Variants in TRAM2 observed in about 807,000 individuals in gnomAD.
The protein encoded by TRAM2 is translocation associated membrane protein 2.
In TRAM2, 12 loss-of-function variants were observed where a neutral mutation model predicts 51.0. The ratio of observed to expected loss-of-function variants is 0.24; its 90% CI spans 0.15 to 0.38. The LOEUF is 0.38. Ranked by LOEUF, TRAM2 falls within the 10% of genes least tolerant of loss-of-function variation. The pLI is 1.00. For missense variants in TRAM2, 361 were observed against 462.0 expected, an observed-to-expected ratio of 0.78 and a Z score of 2.00; for synonymous variants, 175 against 179.4, an observed-to-expected ratio of 0.98 and a Z score of 0.20.
intron 5 of TRAM2, among the ~76,000 whole-genome samples, chr6:52,508,658 ACT>A (rs1766393577): frequency 6.6e-6 from 1 of 152,214 alleles, no homozygotes; most frequent in African/African-American, 2.4e-5. Flanking sequence ...CAACAGATAC[ACT>A]GAGACAACAA....
At chr6:52,554,524 A>C (rs1200079733) in intron 1 of TRAM2, among the ~76,000 whole-genome samples, 1 of 103,302 alleles carries the variant, frequency 9.7e-6, no homozygotes, top group East Asian at 3.9e-4. Context: ...CATCTCAAAA[A>C]AAAAAAAAAA....
chr6:52,512,942 C>A (rs369786503), intron 4 of TRAM2, among the ~76,000 whole-genome samples: 2 of 152,184 alleles, frequency 1.3e-5, no homozygotes, highest in East Asian at 3.9e-4. Flanking sequence ...CTAAAATCTA[C>A]GGTGGATTTT....
chr6:52,511,472 T>A (rs752971504), intron 4 of TRAM2, among the ~76,000 whole-genome samples: 5 of 152,208 alleles, frequency 3.3e-5, no homozygotes, highest in Non-Finnish European at 5.9e-5. Flanking sequence ...CAGGCTAGGT[T>A]GCTTCAGTAA....
At chr6:52,548,501 C>A (rs1260503369) in intron 1 of TRAM2, among the ~76,000 whole-genome samples, 2 of 152,244 alleles carry the variant, frequency 1.3e-5, no homozygotes, top group Non-Finnish European at 2.9e-5. Flanking sequence ...ATTCACTGAA[C>A]TTCTATCACC....
chr6:52,544,096 A>G (rs2179803), intron 1 of TRAM2, among the ~76,000 whole-genome samples: 135,253 of 152,244 alleles, frequency 0.89, 60,117 homozygotes, highest in East Asian at 0.96. Flanking sequence ...AAAATGAACC[A>G]TGAGTTCACA....
Position 52,576,988 on chromosome 6 carries a change from C to A in TRAM2, c.-73G>T. Reference sequence around the variant, plus strand: ...AACCGCAGCGCAAACTTCTCCAGCACCGGCCCGGTCCGCCCGCCGGCCCGC... The same window carrying A: ...AACCGCAGCGCAAACTTCTCCAGCAACGGCCCGGTCCGCCCGCCGGCCCGC... On this transcript the variant is annotated 5_prime_UTR_variant, in exon 1 of 11. Transcript: ENST00000182527. The A allele has an allele frequency of 7.4e-7, 1 of 1,345,356 alleles. No homozygotes were observed. 83.3% of individuals were successfully genotyped at this position (1,345,356 alleles called of 1,614,324 possible).
chr6:52,504,281 C>T (rs1766298171), intron 10 of TRAM2, among the ~76,000 whole-genome samples: 1 of 152,218 alleles, frequency 6.6e-6, no homozygotes, highest in African/African-American at 2.4e-5. Flanking sequence ...CAGCACTTGG[C>T]TGGGGTCCAG....
chr6:52,548,599 G>T (rs1767251538), intron 1 of TRAM2, among the ~76,000 whole-genome samples: 1 of 152,336 alleles, frequency 6.6e-6, no homozygotes, highest in African/African-American at 2.4e-5. Flanking sequence ...GGCCCAAAAA[G>T]CTTAAGCAAC....
rs73740390 is a variant in TRAM2 at position 52,500,538 on chromosome 6, T to G, written c.*2659A>C. The stretch of plus-strand genomic sequence containing the variant: ...TCAGGGTTTTTTTTTGTTTTTTTTT[T>G]TTTTTTTACATAAAATAAACCCTTA... On this transcript the variant is annotated 3_prime_UTR_variant, in exon 11 of 11. Transcript: ENST00000182527. The G allele has an allele frequency of 0.2, 29,742 of 150,560 alleles. 3,451 individuals carry two copies. The highest frequency in any genetic ancestry group is 0.34 in the Admixed American group (5,192 of 15,154). The allele number at this position is 150,560 out of a possible 1,614,324, so 9.3% of individuals were successfully genotyped here.
chr6:52,522,453 C>A (rs890463428), intron 2 of TRAM2, among the ~76,000 whole-genome samples: 1 of 152,272 alleles, frequency 6.6e-6, no homozygotes, highest in African/African-American at 2.4e-5. Flanking sequence ...TTTAAAAACA[C>A]TGCATGGGCC....
At chr6:52,563,900 C>A (rs1342533031) in intron 1 of TRAM2, among the ~76,000 whole-genome samples, 16 of 142,890 alleles carry the variant, frequency 1.1e-4, no homozygotes, top group East Asian at 4.0e-4. Flanking sequence ...GTACCTATTC[C>A]AAAAAAAAAA....
At chr6:52,503,322 C>T (rs1766275567) in intron 10 of TRAM2, 52 bp from the exon 11 acceptor site, 1 of 1,548,102 alleles carries the variant, frequency 6.5e-7, no homozygotes, top group South Asian at 1.1e-5. Flanking sequence ...GGAGCTAAGG[C>T]AGAAGAGGGG....
chr6:52,565,887 C>T (rs1767582856), intron 1 of TRAM2, among the ~76,000 whole-genome samples: 1 of 152,194 alleles, frequency 6.6e-6, no homozygotes, highest in Non-Finnish European at 1.5e-5. Flanking sequence ...AAAGGAAGTT[C>T]CCACCCTCTG....
At chr6:52,563,332 A>G (rs116598030) in intron 1 of TRAM2, among the ~76,000 whole-genome samples, 3,355 of 152,290 alleles carry the variant, frequency 0.022, 109 homozygotes, top group African/African-American at 0.074. Flanking sequence ...AAACAGACAG[A>G]TAGACAGACA....
At chr6:52,569,400 A>G (rs926448244) in intron 1 of TRAM2, among the ~76,000 whole-genome samples, 1 of 151,776 alleles carries the variant, frequency 6.6e-6, no homozygotes, top group Non-Finnish European at 1.5e-5. Context: ...AAAAAAAAAA[A>G]AAAAAAAGAA....
At chr6:52,536,375 G>C (rs2114086920) in intron 1 of TRAM2, among the ~76,000 whole-genome samples, 1 of 152,344 alleles carries the variant, frequency 6.6e-6, no homozygotes, top group East Asian at 1.9e-4. Flanking sequence ...CATGGGGCCA[G>C]AAGTAACATC....
Position 52,568,106 on chromosome 6 carries a change from G to A in TRAM2, c.120+8690C>T, listed in dbSNP as rs1767618607. Reference sequence around the variant, plus strand: ...CCAGAGAGGTGAAGGGCCTTGCATGGGCCACAAGGCTATTTAATGGAAGAA... The same window carrying A: ...CCAGAGAGGTGAAGGGCCTTGCATGAGCCACAAGGCTATTTAATGGAAGAA... On this transcript the variant is annotated intron_variant, in intron 1 of 10. Transcript: ENST00000182527. 2.0e-5 allele frequency among the ~76,000 whole-genome samples: 3 copies of A among 152,270 alleles called. No individual in the cohort carries two copies. In the South Asian group the frequency reaches 6.2e-4, roughly 32 times the overall value.
chr6:52,572,770 A>G (rs919364171), intron 1 of TRAM2, among the ~76,000 whole-genome samples: 6 of 152,324 alleles, frequency 3.9e-5, no homozygotes, highest in African/African-American at 1.4e-4. Flanking sequence ...GATATGAACC[A>G]GTGCCATGGA....
rs972970084 is a variant in TRAM2, at chr6:52,499,783, C to T, written c.*3414G>A. On this transcript the variant is annotated 3_prime_UTR_variant, in exon 11 of 11. Coordinates refer to ENST00000182527, the MANE Select transcript of TRAM2 (RefSeq NM_012288.4). Reference sequence around the variant, plus strand: ...AATGTTGGGAAGTTATGCCTTGGGACATGAACAGACAAGTTTCTCAGCAAC... The same window carrying T: ...AATGTTGGGAAGTTATGCCTTGGGATATGAACAGACAAGTTTCTCAGCAAC... The T allele has an allele frequency of 6.6e-5, 10 of 152,212 alleles. No homozygotes were observed. Among genetic ancestry groups the T allele is most frequent in the African/African-American group, 1.7e-4 (7 of 41,422 alleles). 9.4% of individuals were successfully genotyped at this position (152,212 alleles called of 1,614,324 possible).
Sources: allele counts gnomAD v4.1 joint callset (sites outside exome capture counted in the v4.1 genomes callset), GRCh38; gene constraint gnomAD v4.1.1; transcripts MANE v1.5; gene names NCBI Gene and HGNC (gene_info 2026-07-23, HGNC 2026-07-21).